Variants in ASIC2 observed in about 807,000 individuals in gnomAD.
ASIC2 encodes acid-sensing ion channel 2.
A neutral mutation model predicts 57.3 loss-of-function variants in ASIC2; 25 were observed. That is an observed-to-expected ratio of 0.44 (90% CI 0.32 to 0.61). The LOEUF is 0.61. Ranked by LOEUF, ASIC2 falls within the 20% of genes least tolerant of loss-of-function variation. The pLI is 0.06. For missense variants in ASIC2, 641 were observed against 738.1 expected (o/e 0.87, Z 1.52); for synonymous variants, 319 against 307.5 (o/e 1.04, Z -0.39).
chr17:33,100,841 C>G (rs2092209366), intron 2 of ASIC2, among the ~76,000 whole-genome samples: 1 of 152,236 alleles, frequency 6.6e-6, no homozygotes, highest in Non-Finnish European at 1.5e-5. Context: ...TCCTCAGACC[C>G]TTGCACCAGC....
chr17:33,652,128 G>A (rs1906938618), intron 1 of ASIC2, among the ~76,000 whole-genome samples: 1 of 152,180 alleles, frequency 6.6e-6, no homozygotes, highest in African/African-American at 2.4e-5. Context: ...TGGAAAATAA[G>A]ATATTGGGGC....
intron 3 of ASIC2, among the ~76,000 whole-genome samples, chr17:33,075,452 C>T (rs977044094): frequency 3.3e-5 from 5 of 152,124 alleles, no homozygotes; most frequent in African/African-American, 9.7e-5. Flanking sequence ...ATAGCTAAGC[C>T]CAGATTCCTC....
At chr17:34,083,243 A>T in intron 1 of ASIC2, among the ~76,000 whole-genome samples, 1 of 143,702 alleles carries the variant, frequency 7.0e-6, no homozygotes, top group East Asian at 2.1e-4. Flanking sequence ...TCACTGTTCA[A>T]TTCCCACCTA....
intron 1 of ASIC2, among the ~76,000 whole-genome samples, chr17:33,379,817 A>G (rs1909414774): frequency 6.6e-6 from 1 of 152,214 alleles, no homozygotes; most frequent in Non-Finnish European, 1.5e-5. Context: ...GATGGGTGTT[A>G]AAGAGAACAA....
intron 1 of ASIC2, among the ~76,000 whole-genome samples, chr17:33,890,955 A>T (rs1252727716): frequency 1.4e-5 from 2 of 143,480 alleles, no homozygotes; most frequent in African/African-American, 5.3e-5. Context: ...AGACTGTGTG[A>T]GTCCAGAGCC....
chr17:33,762,630 C>A (rs1910819935), intron 1 of ASIC2, among the ~76,000 whole-genome samples: 1 of 152,162 alleles, frequency 6.6e-6, no homozygotes, highest in Non-Finnish European at 1.5e-5. Flanking sequence ...ACTAAGTGGA[C>A]ACATGACTCC....
chr17:33,092,117 T>C (rs1330726818), intron 2 of ASIC2, among the ~76,000 whole-genome samples: 1 of 152,142 alleles, frequency 6.6e-6, no homozygotes, highest in Non-Finnish European at 1.5e-5. Flanking sequence ...GAGTCCTGGG[T>C]AGTTTGGGCA....
At chr17:33,149,929 G>A (rs1904718538) in intron 1 of ASIC2, among the ~76,000 whole-genome samples, 1 of 152,018 alleles carries the variant, frequency 6.6e-6, no homozygotes, top group African/African-American at 2.4e-5. Flanking sequence ...ACATTTCCTT[G>A]GATACCCTCA....
At chr17:33,607,672 C>G (rs930749811) in intron 1 of ASIC2, among the ~76,000 whole-genome samples, 1 of 152,224 alleles carries the variant, frequency 6.6e-6, no homozygotes, top group Non-Finnish European at 1.5e-5. Context: ...TGCCTTGTGA[C>G]TCTCCATCAG....
intron 1 of ASIC2, among the ~76,000 whole-genome samples, chr17:34,022,779 C>G (rs1014587908): frequency 2.6e-5 from 4 of 152,176 alleles, no homozygotes; most frequent in African/African-American, 9.7e-5. Context: ...TTACATTCCT[C>G]TTGCCCTCAT....
At chr17:33,281,625 TG>T (rs1904954423) in intron 1 of ASIC2, among the ~76,000 whole-genome samples, 1 of 152,258 alleles carries the variant, frequency 6.6e-6, no homozygotes. Flanking sequence ...AAACATATCT[TG>T]GATTTGAACT....
chr17:33,214,652 G>A (rs1907408324), intron 1 of ASIC2, among the ~76,000 whole-genome samples: 1 of 147,350 alleles, frequency 6.8e-6, no homozygotes, highest in Non-Finnish European at 1.5e-5. Flanking sequence ...GATGTGATAG[G>A]TCTGGGGTGG....
intron 1 of ASIC2, among the ~76,000 whole-genome samples, chr17:33,853,100 T>G (rs956556810): frequency 3.3e-5 from 5 of 152,192 alleles, no homozygotes; most frequent in African/African-American, 1.2e-4. Context: ...GACCCCAACT[T>G]AAAACACTTC....
chr17:33,882,941 G>T (rs1316617444), intron 1 of ASIC2, among the ~76,000 whole-genome samples: 1 of 152,148 alleles, frequency 6.6e-6, no homozygotes, highest in Non-Finnish European at 1.5e-5. Context: ...GAAAAATGAT[G>T]AGTTCATGTC....
At chr17:33,870,866 T>A (rs946793952) in intron 1 of ASIC2, among the ~76,000 whole-genome samples, 3 of 152,210 alleles carry the variant, frequency 2.0e-5, no homozygotes, top group Non-Finnish European at 4.4e-5. Flanking sequence ...GTAGGCTTAA[T>A]ATAAGTGCTA....
chr17:33,889,685 G>A (rs902674182), intron 1 of ASIC2, among the ~76,000 whole-genome samples: 1 of 152,070 alleles, frequency 6.6e-6, no homozygotes, highest in Non-Finnish European at 1.5e-5. Context: ...TAAAATCTTC[G>A]TTAGCGTCCA....
chr17:33,317,899 G>A (rs1456829820), intron 1 of ASIC2, among the ~76,000 whole-genome samples: 1 of 131,376 alleles, frequency 7.6e-6, no homozygotes, highest in Non-Finnish European at 1.5e-5. Context: ...GTGTGTGTGT[G>A]TGTGTGTGTG....
chr17:33,367,862 C>T (rs1908879973), intron 1 of ASIC2, among the ~76,000 whole-genome samples: 1 of 152,166 alleles, frequency 6.6e-6, no homozygotes, highest in Non-Finnish European at 1.5e-5. Context: ...AAGGAATATG[C>T]CAAGCACCTT....
intron 1 of ASIC2, among the ~76,000 whole-genome samples, chr17:33,630,209 C>CA (rs1240043423): frequency 6.6e-6 from 1 of 152,166 alleles, no homozygotes; most frequent in African/African-American, 2.4e-5. Context: ...GCAGTATCTT[C>CA]AGCTTCTTCA....
Sources: gnomAD v4.1 joint callset for allele counts (sites outside exome capture counted in the v4.1 genomes callset) on GRCh38, gnomAD v4.1.1 for gene constraint, MANE v1.5 for transcripts, NCBI Gene and HGNC (gene_info 2026-07-23, HGNC 2026-07-21) for gene names.